Variants in STXBP4 observed in about 807,000 individuals in gnomAD.
STXBP4 encodes syntaxin binding protein 4.
Under a neutral mutation model 76.1 loss-of-function variants are expected in STXBP4, and 55 were observed. The observed-to-expected ratio is 0.72, with a 90% CI of 0.58 to 0.91. The LOEUF is 0.91. Ranked by LOEUF, STXBP4 falls within the 40% of genes least tolerant of loss-of-function variation. The pLI is 0.00. For missense variants in STXBP4, 618 were observed against 636.9 expected (o/e 0.97, Z 0.32); for synonymous variants, 201 against 220.2 (o/e 0.91, Z 0.77).
chr17:55,191,337 G>A, the STXBP4 span, among the ~76,000 whole-genome samples: 1 of 152,124 alleles, frequency 6.6e-6, no homozygotes, highest in Non-Finnish European at 1.5e-5. Context: ...AGTCCGGGGT[G>A]GGACCTGAGA....
intron 12 of STXBP4, among the ~76,000 whole-genome samples, chr17:55,069,026 T>C (rs901091268): frequency 1.3e-5 from 2 of 152,044 alleles, no homozygotes; most frequent in Non-Finnish European, 2.9e-5. Flanking sequence ...AGATTTTCAT[T>C]AGTTCAGATT....
At chr17:55,007,070 G>T (rs938271395) in intron 7 of STXBP4, among the ~76,000 whole-genome samples, 1 of 152,120 alleles carries the variant, frequency 6.6e-6, no homozygotes, top group Non-Finnish European at 1.5e-5. Flanking sequence ...GGGTGTGGTG[G>T]CTCACTCCTG....
At chr17:55,088,562 A>G (rs2079368898) in intron 16 of STXBP4, among the ~76,000 whole-genome samples, 1 of 152,034 alleles carries the variant, frequency 6.6e-6, no homozygotes, top group South Asian at 2.1e-4. Context: ...ACACCTGGCT[A>G]ATTTTTGTAT....
chr17:55,201,281 T>A, the STXBP4 span, among the ~76,000 whole-genome samples: 17 of 152,224 alleles, frequency 1.1e-4, no homozygotes, highest in Non-Finnish European at 4.4e-5. Flanking sequence ...ATGATTGTAC[T>A]GTTTTTATTT....
chr17:55,077,725 G>GTGTGTGTA (rs2079201186), intron 13 of STXBP4, among the ~76,000 whole-genome samples: 2 of 150,912 alleles, frequency 1.3e-5, no homozygotes, highest in Non-Finnish European at 2.9e-5. Flanking sequence ...GTGTGTGTGT[G>GTGTGTGTA]TGTGTATCCA....
chr17:55,157,093 T>C (rs193141899), intron 17 of STXBP4, among the ~76,000 whole-genome samples: 5 of 152,354 alleles, frequency 3.3e-5, no homozygotes, highest in Admixed American at 2.6e-4. Context: ...CTCAGGTAAT[T>C]GCTCCTGTTT....
At chr17:54,986,027 T>C in intron 2 of STXBP4, 115 bp from the exon 3 acceptor site, 1 of 589,286 alleles carries the variant, frequency 1.7e-6, no homozygotes, top group South Asian at 2.2e-5. Context: ...CTAACATCTA[T>C]ATACAGGCTT....
At chr17:55,155,994 G>C (rs1054081712) in intron 17 of STXBP4, among the ~76,000 whole-genome samples, 2 of 152,058 alleles carry the variant, frequency 1.3e-5, no homozygotes, top group Non-Finnish European at 2.9e-5. Context: ...AACAGATTTG[G>C]CAACCATTCA....
At chr17:54,980,623 T>A (rs1314039442) in intron 1 of STXBP4, among the ~76,000 whole-genome samples, 1 of 152,200 alleles carries the variant, frequency 6.6e-6, no homozygotes, top group Admixed American at 6.5e-5. Context: ...AGGAGTGGCC[T>A]GCAGCTAATC....
chr17:55,043,092 A>T lies in STXBP4; in HGVS notation c.856-144A>T, dbSNP rs2078730422. The T allele has an allele frequency of 7.5e-6, 3 of 399,628 alleles. No individual in the cohort carries two copies. The South Asian group carries it at 3.7e-4, about 50-fold the overall frequency. The allele number at this position is 399,628 out of a possible 1,614,324, so 24.8% of individuals were successfully genotyped here. A position where few individuals can be genotyped will look rare whatever the true frequency, so the allele number is the denominator to read the frequency against. On this transcript the variant is annotated intron_variant, in intron 10 of 17. Coordinates refer to ENST00000376352, the MANE Select transcript of STXBP4 (RefSeq NM_178509.6). ...GCTTTAATACTTTAATATCCCCTTT[A>T]TCTAATCAAATGACTCCAACATAAG...
chr17:55,142,985 A>T lies in STXBP4; in HGVS notation c.1547+1618A>T, dbSNP rs138216402. Among the ~76,000 whole-genome samples, 213 of 152,312 alleles carry T rather than the reference A, an allele frequency of 1.4e-3. 1 individual carries two copies. The highest frequency in any genetic ancestry group is 4.9e-3 in the African/African-American group (204 of 41,568). On this transcript the variant is annotated intron_variant, in intron 17 of 17. Transcript: ENST00000376352. ...AGATTTGAATCACTGTACTGTAGGA[A>T]TGGCAGGAAAATGAAAAAATGCATT...
chr17:55,062,490 T>C (rs1261989734), intron 12 of STXBP4, among the ~76,000 whole-genome samples: 5 of 152,216 alleles, frequency 3.3e-5, no homozygotes, highest in African/African-American at 1.2e-4. Flanking sequence ...CAGTCTATCA[T>C]TGATGGGCAT....
intron 9 of STXBP4, 29 bp from the exon 10 acceptor site, chr17:55,034,139 T>C: frequency 6.4e-7 from 1 of 1,563,948 alleles, no homozygotes; most frequent in Non-Finnish European, 8.8e-7. Flanking sequence ...TTAAATGCCA[T>C]GTTCTTACTT....
intron 17 of STXBP4, among the ~76,000 whole-genome samples, chr17:55,148,780 C>T (rs912780848): frequency 2.0e-5 from 3 of 152,250 alleles, no homozygotes; most frequent in Middle Eastern, 3.4e-3. Context: ...GTGATCTGCC[C>T]GCCTCAGCCT....
At chr17:55,003,441 G>A (rs1446772843) in intron 7 of STXBP4, among the ~76,000 whole-genome samples, 1 of 152,098 alleles carries the variant, frequency 6.6e-6, no homozygotes, top group Non-Finnish European at 1.5e-5. Context: ...TAGTAGGCAA[G>A]ATATTTCTGG....
rs1239258669 is a variant in STXBP4 at position 55,153,580 on chromosome 17, T to G, written c.1548-6217T>G. Among the ~76,000 whole-genome samples the G allele has an allele frequency of 1.3e-5, 2 of 152,208 alleles. 1 individual carries two copies. The highest frequency in any genetic ancestry group is 3.8e-4 in the East Asian group (2 of 5,202). On this transcript the variant is annotated intron_variant, in intron 17 of 17. Coordinates refer to ENST00000376352, the MANE Select transcript of STXBP4 (RefSeq NM_178509.6). ...TAGTTGAAAAATATGTTTTAAATTT[T>G]AGTTTTTTAAGGTTTTAAATTTGTT...
At chr17:55,053,977 G>C (rs1263343796) in intron 12 of STXBP4, among the ~76,000 whole-genome samples, 1 of 152,014 alleles carries the variant, frequency 6.6e-6, no homozygotes, top group African/African-American at 2.4e-5. Flanking sequence ...GTGAATCTAA[G>C]GAAAAATAGC....
the STXBP4 span, among the ~76,000 whole-genome samples, chr17:55,185,180 C>A: frequency 2.7e-5 from 4 of 149,674 alleles, no homozygotes; most frequent in East Asian, 8.0e-4. Context: ...CTATTTTCTT[C>A]TTCTTCTTTT....
intron 16 of STXBP4, among the ~76,000 whole-genome samples, chr17:55,117,608 AAAC>A (rs2079796683): frequency 6.6e-6 from 1 of 151,628 alleles, no homozygotes; most frequent in African/African-American, 2.4e-5. Context: ...CGAAAAAAAA[AAAC>A]AATAATTTCA....
Sources: gnomAD v4.1 joint callset for allele counts (sites outside exome capture counted in the v4.1 genomes callset) on GRCh38, gnomAD v4.1.1 for gene constraint, MANE v1.5 for transcripts, NCBI Gene and HGNC (gene_info 2026-07-23, HGNC 2026-07-21) for gene names.